The following SEC63 variants were observed in gnomAD, a reference collection of about 807,000 sequenced individuals.
SEC63 encodes SEC63 protein translocation regulator.
In SEC63, 56 loss-of-function variants were observed where a neutral mutation model predicts 116.2. That is an observed-to-expected ratio of 0.48 (90% CI 0.39 to 0.60). The LOEUF is 0.60. SEC63 is among the 20% of genes least tolerant of loss of function. SEC63 has a pLI of 0.00. For missense variants in SEC63, 668 were observed against 900.0 expected (o/e 0.74, Z 3.30); for synonymous variants, 273 against 294.6 (o/e 0.93, Z 0.75).
In SEC63 at chr6:107,868,359, A is replaced by C. The variant is rs1012553143; in HGVS notation, c.*3345T>G. The stretch of plus-strand genomic sequence containing the variant: ...TTTGGGAGGCTGAGGAGGGCTGATC[A>C]CTTGAGGCCAGGAGTTCGAGACCAG... On this transcript the variant is annotated 3_prime_UTR_variant, in exon 21 of 21. Transcript: ENST00000369002. 1 of 152,142 alleles carries C rather than the reference A, an allele frequency of 6.6e-6. No individual in the cohort carries two copies. The highest frequency in any genetic ancestry group is 1.5e-5 in the Non-Finnish European group (1 of 68,036). 9.4% of individuals were successfully genotyped at this position (152,142 alleles called of 1,614,324 possible).
Position 107,921,868 on chromosome 6 carries a change from C to T in SEC63, c.381G>A (p.Leu127=). The change falls in exon 4 of 21, where the codon CTG becomes CTA. Residue 127 remains leucine (L), a synonymous_variant. Coordinates refer to ENST00000369002, the MANE Select transcript of SEC63 (RefSeq NM_007214.5). ...VAEIKKQYRL[L]SLKYHPDKGG... ...CTTTATCTGGATGATATTTAAGTGA[C>T]AGCAAACGATATTGTTTTTTAATTT... is the stretch of plus-strand genomic sequence containing the variant. 11 of 1,611,216 alleles carry T rather than the reference C, an allele frequency of 6.8e-6. No homozygotes were observed. Among genetic ancestry groups the T allele is most frequent in the Non-Finnish European group, 9.3e-6 (11 of 1,178,772 alleles).
intron 4 of SEC63, 70 bp downstream of exon 4, chr6:107,921,727 C>T: frequency 1.0e-6 from 1 of 966,726 alleles, no homozygotes; most frequent in Non-Finnish European, 1.7e-6. Context: ...ACTGGGATTA[C>T]AGGCATGAAC....
intron 14 of SEC63, among the ~76,000 whole-genome samples, chr6:107,894,479 A>T (rs1219499225): frequency 6.9e-6 from 1 of 145,134 alleles, no homozygotes; most frequent in Non-Finnish European, 1.5e-5. Flanking sequence ...TTTGAGACTA[A>T]CATGGGCAAC....
chr6:107,946,716 T>C (rs1335157809), intron 1 of SEC63, among the ~76,000 whole-genome samples: 5 of 152,136 alleles, frequency 3.3e-5, no homozygotes, highest in African/African-American at 1.2e-4. Flanking sequence ...ATCGCTAATA[T>C]TCCTTCAAGA....
chr6:107,917,036 C>T (rs542466948), intron 4 of SEC63, among the ~76,000 whole-genome samples: 2 of 152,302 alleles, frequency 1.3e-5, no homozygotes, highest in East Asian at 1.9e-4. Flanking sequence ...CTAACACACG[C>T]GCTGGAAGGT....
chr6:107,907,121 C>G (rs901019810), intron 8 of SEC63, among the ~76,000 whole-genome samples: 2 of 152,044 alleles, frequency 1.3e-5, no homozygotes, highest in African/African-American at 4.8e-5. Flanking sequence ...AAAAAGGGGG[C>G]CCTATGATTA....
In SEC63 at chr6:107,901,423, A is replaced by G; in HGVS notation, c.1304T>C (p.Val435Ala). The change falls in exon 13 of 21, where the codon GTT (valine) becomes GCT (alanine). Residue 435 changes from valine to alanine, a missense_variant. Physicochemically the swap from Val to Ala is moderately conservative, Grantham distance 64. Transcript: ENST00000369002. ...TGGAAAACTCCCAAGGACAGCCATAACCTCTTCATATTTTTCATCTTCAAG... is the reference window on the plus strand; with the variant it reads ...TGGAAAACTCCCAAGGACAGCCATAGCCTCTTCATATTTTTCATCTTCAAG... The part of the protein sequence containing the change: ...HFLEDEKYEE[V>A]MAVLGSFPYV... 1 of 1,613,394 alleles carries G rather than the reference A, an allele frequency of 6.2e-7. No homozygotes were observed. Among genetic ancestry groups the G allele is most frequent in the Non-Finnish European group, 8.5e-7 (1 of 1,179,560 alleles).
intron 1 of SEC63, among the ~76,000 whole-genome samples, chr6:107,948,650 T>C (rs571334418): frequency 2.6e-5 from 4 of 152,298 alleles, no homozygotes; most frequent in East Asian, 1.9e-4. Flanking sequence ...CATTTTGACA[T>C]GCTGAATGAA....
chr6:107,913,973 C>A, intron 4 of SEC63, among the ~76,000 whole-genome samples: 1 of 152,268 alleles, frequency 6.6e-6, no homozygotes, highest in East Asian at 1.9e-4. Context: ...GTAATTTGCA[C>A]TGTGCTAAGA....
chr6:107,896,662 G>A (rs1448158445), intron 14 of SEC63, among the ~76,000 whole-genome samples: 2 of 152,242 alleles, frequency 1.3e-5, no homozygotes, highest in African/African-American at 4.8e-5. Context: ...ATTTGAGGCT[G>A]ACAAGGGGTT....
chr6:107,949,421 T>C (rs1770537560), intron 1 of SEC63, among the ~76,000 whole-genome samples: 1 of 152,088 alleles, frequency 6.6e-6, no homozygotes, highest in African/African-American at 2.4e-5. Context: ...ATAGATCACT[T>C]GGGCCCAGGA....
At position 107,958,090 on chromosome 6, in the gene SEC63, C is replaced by G; in HGVS notation, c.-81G>C. ...CACTCCCGCTCCCAACGCCCCGGCC[C>G]GAGTGGCGTAGCTTGGACACTGCCG... On this transcript the variant is annotated 5_prime_UTR_variant, in exon 1 of 21. Coordinates refer to ENST00000369002, the MANE Select transcript of SEC63 (RefSeq NM_007214.5). 1.3e-6 allele frequency: 2 copies of G among 1,588,386 alleles called. No individual in the cohort carries two copies. The highest frequency in any genetic ancestry group is 8.6e-7 in the Non-Finnish European group (1 of 1,165,652).
intron 17 of SEC63, among the ~76,000 whole-genome samples, 169 bp from the exon 18 acceptor site, chr6:107,881,419 A>G (rs1188068331): frequency 6.6e-6 from 1 of 152,110 alleles, no homozygotes. Flanking sequence ...CTTTTTAAAT[A>G]TATTAAATCT....
intron 4 of SEC63, among the ~76,000 whole-genome samples, chr6:107,915,854 T>C (rs569522891): frequency 1.3e-5 from 2 of 152,326 alleles, no homozygotes; most frequent in East Asian, 3.9e-4. Context: ...AATATAGTTA[T>C]ATTTATGCAA....
chr6:107,948,829 T>C (rs968080294), intron 1 of SEC63, among the ~76,000 whole-genome samples: 2 of 152,200 alleles, frequency 1.3e-5, no homozygotes, highest in African/African-American at 4.8e-5. Flanking sequence ...CTTCACAAGA[T>C]AATGTACAAG....
rs1043791132 is a variant in SEC63, at chr6:107,870,941, C to T, written c.*763G>A. 3 of 152,592 alleles carry T rather than the reference C, an allele frequency of 2.0e-5. No homozygotes were observed. The highest frequency in any genetic ancestry group is 4.8e-5 in the African/African-American group (2 of 41,434). The allele number at this position is 152,592 out of a possible 1,614,324, so 9.5% of individuals were successfully genotyped here. On this transcript the variant is annotated 3_prime_UTR_variant, in exon 21 of 21. Coordinates refer to ENST00000369002, the MANE Select transcript of SEC63 (RefSeq NM_007214.5). ...ACCTTTTTTAAAAAAGGTTTAATAA[C>T]ATAAGCCACCAGTATCAGAAAACAT...
chr6:107,877,212 CTATT>C (rs1786301591), intron 18 of SEC63: 1 of 152,468 alleles, frequency 6.6e-6, no homozygotes, highest in Non-Finnish European at 1.5e-5. Flanking sequence ...CCTCAGTTCA[CTATT>C]TAGTCACCTG....
At chr6:107,904,543 G>GTACCCA (rs1295222116) in intron 11 of SEC63, 86 bp downstream of exon 11, 25 of 1,000,928 alleles carry the variant, frequency 2.5e-5, no homozygotes, top group Non-Finnish European at 3.8e-5. Context: ...AGAAGTCTGA[G>GTACCCA]TACCCATAAA....
chr6:107,913,218 G>A, intron 5 of SEC63, 148 bp downstream of exon 5: 1 of 637,752 alleles, frequency 1.6e-6, no homozygotes, highest in Non-Finnish European at 2.7e-6. Flanking sequence ...GAAAAATAAA[G>A]CAAAAATTAA....
Sources: allele counts gnomAD v4.1 joint callset (sites outside exome capture counted in the v4.1 genomes callset), GRCh38; gene constraint gnomAD v4.1.1; transcripts MANE v1.5; gene names NCBI Gene and HGNC (gene_info 2026-07-23, HGNC 2026-07-21).